Variants in SLC36A2 observed in about 807,000 individuals in gnomAD.
SLC36A2 encodes solute carrier family 36 member 2, also known as proton-coupled amino acid transporter 2.
In SLC36A2, 39 loss-of-function variants were observed where a neutral mutation model predicts 42.7. The ratio of observed to expected loss-of-function variants is 0.91; its 90% confidence interval spans 0.71 to 1.19. The LOEUF is 1.19. Ranked by LOEUF, SLC36A2 falls within the 50% of genes most tolerant of loss-of-function variation. The pLI is 0.00. For missense variants in SLC36A2, 590 were observed against 613.7 expected (o/e 0.96, Z 0.41); for synonymous variants, 237 against 240.8 (o/e 0.98, Z 0.15).
chr5:151,329,904 T>C (rs1403514338), intron 7 of SLC36A2, among the ~76,000 whole-genome samples: 2 of 152,080 alleles, frequency 1.3e-5, no homozygotes, highest in African/African-American at 4.8e-5. Context: ...GCAGTATTCA[T>C]GGGCTGCAAA....
At chr5:151,334,510 G>A (rs1439917476) in intron 6 of SLC36A2, among the ~76,000 whole-genome samples, 2 of 152,084 alleles carry the variant, frequency 1.3e-5, no homozygotes, top group Non-Finnish European at 2.9e-5. Flanking sequence ...GGCCAACATC[G>A]TGAAACTCCG....
intron 5 of SLC36A2, chr5:151,338,845 C>G (rs1450425660): frequency 2.3e-6 from 1 of 433,910 alleles, no homozygotes; most frequent in African/African-American, 2.0e-5. Flanking sequence ...ACTTTGAGAA[C>G]AGGTCTAAGA....
chr5:151,332,489 G>T (rs775373046), intron 7 of SLC36A2: 6 of 455,298 alleles, frequency 1.3e-5, no homozygotes, highest in South Asian at 9.3e-5. Flanking sequence ...TGACAGGTGC[G>T]TTGATAAGCT....
chr5:151,317,261 G>A (rs778516826), intron 9 of SLC36A2, among the ~76,000 whole-genome samples, 173 bp from the exon 10 acceptor site: 7 of 152,142 alleles, frequency 4.6e-5, no homozygotes, highest in Non-Finnish European at 7.4e-5. Flanking sequence ...AGACCAGCCT[G>A]TCCAACATAG....
intron 1 of SLC36A2, among the ~76,000 whole-genome samples, chr5:151,344,544 A>C (rs1756442102): frequency 6.6e-6 from 1 of 152,218 alleles, no homozygotes; most frequent in Non-Finnish European, 1.5e-5. Context: ...TATCTCATTT[A>C]ATCTTCTAGT....
intron 6 of SLC36A2, among the ~76,000 whole-genome samples, chr5:151,334,112 G>A (rs1756078922): frequency 6.6e-6 from 1 of 152,100 alleles, no homozygotes; most frequent in Admixed American, 6.6e-5. Context: ...AATGATGACA[G>A]AGCCATTTTT....
At chr5:151,319,698 A>G (rs544737243) in intron 9 of SLC36A2, 1 of 153,220 alleles carries the variant, frequency 6.5e-6, no homozygotes, top group South Asian at 2.1e-4. Flanking sequence ...CTTCCAGCAG[A>G]ATGGGGGTGA....
At chr5:151,335,279 A>AT (rs1212902807) in intron 6 of SLC36A2, 50 bp downstream of exon 6, 1 of 1,461,748 alleles carries the variant, frequency 6.8e-7, no homozygotes, top group South Asian at 1.2e-5. Flanking sequence ...TCTATCCTTG[A>AT]TAAAAAAACC....
intron 9 of SLC36A2, among the ~76,000 whole-genome samples, chr5:151,320,924 C>T (rs1755667177): frequency 6.6e-6 from 1 of 152,230 alleles, no homozygotes; most frequent in Admixed American, 6.5e-5. Flanking sequence ...TGGCTCTAGA[C>T]TTACATGACT....
intron 7 of SLC36A2, among the ~76,000 whole-genome samples, chr5:151,329,250 T>C (rs1561654834): frequency 1.3e-5 from 2 of 152,224 alleles, no homozygotes; most frequent in Non-Finnish European, 2.9e-5. Context: ...TCATGGGCTT[T>C]GAAAACTAAC....
At chr5:151,325,579 AT>A (rs1224737549) in intron 7 of SLC36A2, 127 bp from the exon 8 acceptor site, 4 of 974,882 alleles carry the variant, frequency 4.1e-6, no homozygotes, top group African/African-American at 2.5e-5. Context: ...TTGTACACTT[AT>A]GTTCACAGTA....
rs752412654 is a variant in SLC36A2 at position 151,347,354 on chromosome 5, G to A, written c.107C>T (p.Thr36Ile). The part of the protein sequence containing the change: ...SAKKLENKDS[T>I]FLDESPSESA... The stretch of plus-strand genomic sequence containing the variant: ...CTCTGAAGGACTTTCATCCAAGAAT[G>A]TAGAGTCCTTGTTCTCCAACTTCTT... The change falls in exon 1 of 10, where the codon ACA becomes ATA. Residue 36 changes from threonine (T) to isoleucine (I), a missense_variant. Transcript: ENST00000335244. 6.2e-7 allele frequency: 1 copy of A among 1,614,132 alleles called. No individual in the cohort carries two copies. The highest frequency in any genetic ancestry group is 2.2e-5 in the East Asian group (1 of 44,908).
At chr5:151,317,856 A>C (rs924900766) in intron 9 of SLC36A2, among the ~76,000 whole-genome samples, 1 of 152,350 alleles carries the variant, frequency 6.6e-6, no homozygotes, top group East Asian at 1.9e-4. Context: ...AGGTAAGATT[A>C]ACAAGAGAAA....
intron 5 of SLC36A2, among the ~76,000 whole-genome samples, chr5:151,338,110 G>T (rs2127296031): frequency 6.6e-6 from 1 of 152,296 alleles, no homozygotes; most frequent in East Asian, 1.9e-4. Context: ...ATGATGGAAA[G>T]CATGTAAAAT....
intron 9 of SLC36A2, 74 bp from the exon 10 acceptor site, chr5:151,317,162 C>T (rs1580839775): frequency 1.3e-6 from 2 of 1,556,412 alleles, no homozygotes; most frequent in Admixed American, 1.9e-5. Context: ...TCTTAAAGTC[C>T]TCTTCTTGGC....
In SLC36A2 at chr5:151,333,276, G is replaced by A; in HGVS notation, c.791C>T (p.Thr264Ile). The change falls in exon 7 of 10, where the codon ACC (threonine) becomes ATC (isoleucine). Residue 264 changes from threonine (T) to isoleucine (I), a missense_variant. By Grantham distance (89) the Thr-to-Ile change is moderately conservative. Transcript: ENST00000335244. ...SRLPLVASWK[T>I]YPLFFGTAIF... ...GGCTGTTCCGAAGAAGAGAGGGTAG[G>A]TCTTCCAGCTTGCTACCAGTGGCAA... The A allele has an allele frequency of 1.2e-6, 2 of 1,614,108 alleles. No individual in the cohort carries two copies. Among genetic ancestry groups the A allele is most frequent in the South Asian group, 2.2e-5 (2 of 91,082 alleles).
chr5:151,335,190 G>C lies in SLC36A2; in HGVS notation c.744+139C>G, dbSNP rs1049483100. 5 of 672,550 alleles carry C rather than the reference G, an allele frequency of 7.4e-6. No individual in the cohort carries two copies. The African/African-American group carries it at 8.9e-5, about 12-fold the overall frequency. 41.7% of individuals were successfully genotyped at this position (672,550 alleles called of 1,614,324 possible). On this transcript the variant is annotated intron_variant, in intron 6 of 9. Coordinates refer to ENST00000335244, the MANE Select transcript of SLC36A2 (RefSeq NM_181776.3). ...ACTGCACGGAGACATCCTTGTAGAAGAAATGCTACAGTGAGATGCATGTCT... is the reference window on the plus strand; with the variant it reads ...ACTGCACGGAGACATCCTTGTAGAACAAATGCTACAGTGAGATGCATGTCT...
chr5:151,335,301 A>G (rs1362897190), intron 6 of SLC36A2, 28 bp downstream of exon 6: 1 of 1,566,252 alleles, frequency 6.4e-7, no homozygotes, highest in African/African-American at 1.4e-5. Context: ...TGCCCAGTGG[A>G]GTGGGCAGGT....
At chr5:151,335,242 G>C in intron 6 of SLC36A2, 87 bp downstream of exon 6, 2 of 942,696 alleles carry the variant, frequency 2.1e-6, no homozygotes, top group East Asian at 2.6e-5. Context: ...CCACCTACAG[G>C]GTTGGCTCCA....
Sources: allele counts gnomAD v4.1 joint callset (sites outside exome capture counted in the v4.1 genomes callset), GRCh38; gene constraint gnomAD v4.1.1; transcripts MANE v1.5; gene names NCBI Gene and HGNC (gene_info 2026-07-23, HGNC 2026-07-21).